Variants in PDE1A observed in about 807,000 individuals in gnomAD.
PDE1A encodes the protein dual specificity calcium/calmodulin-dependent 3',5'-cyclic nucleotide phosphodiesterase 1A.
Under a neutral mutation model 61.7 loss-of-function variants are expected in PDE1A, and 35 were observed. The observed-to-expected ratio is 0.57, with a 90% confidence interval of 0.43 to 0.75. The LOEUF (loss-of-function observed/expected upper bound fraction) is 0.75, where lower values mean the gene tolerates loss of function less well. PDE1A is among the 30% of genes least tolerant of loss of function. The probability of loss-of-function intolerance (pLI) is 0.00; values close to 1 mark genes in which losing one functional copy is unlikely to be tolerated. For missense variants in PDE1A, 597 were observed against 630.6 expected, an observed-to-expected ratio of 0.95 and a Z score of 0.57; for synonymous variants, 232 against 213.2, an observed-to-expected ratio of 1.09 and a Z score of -0.77.
intron 7 of PDE1A, among the ~76,000 whole-genome samples, chr2:182,207,261 G>C (rs1687186523): frequency 1.3e-5 from 2 of 152,188 alleles, no homozygotes; most frequent in Non-Finnish European, 1.5e-5. Context: ...GGACGTCTTA[G>C]GTAGAGATAA....
chr2:182,272,985 G>T (rs1462538816), intron 1 of PDE1A, among the ~76,000 whole-genome samples: 1 of 152,040 alleles, frequency 6.6e-6, no homozygotes, highest in African/African-American at 2.4e-5. Flanking sequence ...GAGTAAGGAA[G>T]TTGATGAAGT....
intron 1 of PDE1A, among the ~76,000 whole-genome samples, chr2:182,265,972 A>C (rs1207086876): frequency 6.6e-6 from 1 of 152,146 alleles, no homozygotes; most frequent in Non-Finnish European, 1.5e-5. Flanking sequence ...TTCAATGCCA[A>C]GGGTGAAGAT....
chr2:182,626,736 TAC>T, the PDE1A span, among the ~76,000 whole-genome samples: 4,571 of 12,740 alleles, frequency 0.36, 858 homozygotes, highest in Middle Eastern at 0.5. Context: ...TATATATATA[TAC>T]ATATATATAC....
intron 1 of PDE1A, among the ~76,000 whole-genome samples, chr2:182,410,033 C>G (rs144073138): frequency 0.044 from 6,717 of 151,968 alleles, 195 homozygotes; most frequent in Non-Finnish European, 0.066. Context: ...GTATAATAAA[C>G]AGTTCAGTTA....
At chr2:182,356,932 C>CA (rs1218693864) in intron 1 of PDE1A, among the ~76,000 whole-genome samples, 1 of 151,828 alleles carries the variant, frequency 6.6e-6, no homozygotes, top group Admixed American at 6.6e-5. Context: ...ATCACAAGGA[C>CA]AAAAAACCAA....
chr2:182,143,785 G>A (rs1036459471), downstream of PDE1A, among the ~76,000 whole-genome samples: 1 of 152,264 alleles, frequency 6.6e-6, no homozygotes, highest in Admixed American at 6.5e-5. Flanking sequence ...AAAGTGCTGG[G>A]ATTACAGGCA....
At chr2:182,239,669 A>G (rs11887327) in intron 3 of PDE1A, among the ~76,000 whole-genome samples, 4,468 of 143,810 alleles carry the variant, frequency 0.031, 214 homozygotes, top group African/African-American at 0.11. Flanking sequence ...TTATGGAAAG[A>G]AGGGAAGCAA....
the PDE1A span, among the ~76,000 whole-genome samples, chr2:182,558,854 T>C: frequency 3.9e-5 from 6 of 152,204 alleles, no homozygotes; most frequent in Non-Finnish European, 8.8e-5. Context: ...GAAAGAAATG[T>C]CTGCAGATCA....
chr2:182,562,867 T>C, the PDE1A span, among the ~76,000 whole-genome samples: 1 of 152,222 alleles, frequency 6.6e-6, no homozygotes, highest in Non-Finnish European at 1.5e-5. Flanking sequence ...TATTCTCTGA[T>C]GGTAGTTTGT....
intron 1 of PDE1A, among the ~76,000 whole-genome samples, chr2:182,290,085 G>C (rs1317631227): frequency 6.6e-6 from 1 of 151,918 alleles, no homozygotes; most frequent in African/African-American, 2.4e-5. Flanking sequence ...GTCAATTGTG[G>C]AATTAAATTA....
chr2:182,607,127 T>A, the PDE1A span, among the ~76,000 whole-genome samples: 1 of 152,056 alleles, frequency 6.6e-6, no homozygotes, highest in East Asian at 1.9e-4. Context: ...AGTTAGGCAA[T>A]TATGATGGGT....
At chr2:182,425,926 C>A (rs1019531768) in intron 1 of PDE1A, among the ~76,000 whole-genome samples, 7 of 151,924 alleles carry the variant, frequency 4.6e-5, no homozygotes, top group Admixed American at 4.6e-4. Flanking sequence ...CTAAAGAATC[C>A]AGAATTAAAG....
chr2:182,607,903 T>A, the PDE1A span, among the ~76,000 whole-genome samples: 1 of 152,140 alleles, frequency 6.6e-6, no homozygotes, highest in Non-Finnish European at 1.5e-5. Context: ...TTCTGCAGAC[T>A]CCATGGGGAC....
chr2:182,530,318 G>T, the PDE1A span, among the ~76,000 whole-genome samples: 1 of 111,458 alleles, frequency 9.0e-6, no homozygotes, highest in Non-Finnish European at 1.8e-5. Context: ...GTAATGGGAT[G>T]CCAGATGAAA....
chr2:182,374,244 G>A (rs900692726), intron 1 of PDE1A, among the ~76,000 whole-genome samples: 2 of 151,934 alleles, frequency 1.3e-5, no homozygotes, highest in East Asian at 1.9e-4. Context: ...GTACTTCTAC[G>A]ATAAATATCA....
intron 10 of PDE1A, among the ~76,000 whole-genome samples, chr2:182,200,476 TGGATGGTGAAAACATTGACAAGGCA>T (rs1686527143): frequency 6.6e-6 from 1 of 152,180 alleles, no homozygotes; most frequent in African/African-American, 2.4e-5. Context: ...TAGAGCTTCC[TGGATGGTGAAAACATTGACAAGGCA>T]GGATGGTGGT....
chr2:182,377,456 A>C lies in PDE1A; in HGVS notation c.53+49122T>G, dbSNP rs148983216. ...AGCCTGCAGAACTATGCACCAATTA[A>C]ATCTCTTTTCCTATAAATTACCCAG... On this transcript the variant is annotated intron_variant, in intron 1 of 13. Coordinates refer to ENST00000351439, the Ensembl canonical transcript of PDE1A. Among the ~76,000 whole-genome samples, 99 of 152,264 alleles carry C rather than the reference A, an allele frequency of 6.5e-4. 2 individuals carry two copies. In the East Asian group the frequency reaches 0.017, roughly 26 times the overall value.
the PDE1A span, among the ~76,000 whole-genome samples, chr2:182,712,681 T>A: frequency 1.3e-5 from 2 of 152,046 alleles, no homozygotes; most frequent in Non-Finnish European, 2.9e-5. Flanking sequence ...CTCAGCCTCC[T>A]GAGTAACTGG....
At chr2:182,471,124 T>C (rs1208755843) in intron 2 of PDE1A, among the ~76,000 whole-genome samples, 1 of 151,748 alleles carries the variant, frequency 6.6e-6, no homozygotes, top group African/African-American at 2.4e-5. Context: ...ACCAATACAT[T>C]TATATCTAGA....
Sources: allele counts gnomAD v4.1 joint callset (sites outside exome capture counted in the v4.1 genomes callset), GRCh38; gene constraint gnomAD v4.1.1; transcripts MANE v1.5; gene names NCBI Gene and HGNC (gene_info 2026-07-23, HGNC 2026-07-21).